The following TFCP2 variants were observed in gnomAD, a reference collection of about 807,000 sequenced individuals.
TFCP2 encodes transcription factor CP2.
Under a neutral mutation model 73.4 loss-of-function variants are expected in TFCP2, and 33 were observed. That is an observed-to-expected ratio of 0.45 (90% confidence interval 0.34 to 0.60). TFCP2 has a LOEUF of 0.60. TFCP2 is among the 20% of genes least tolerant of loss of function. TFCP2 has a pLI of 0.01. For synonymous variants in TFCP2, 193 were observed against 211.6 expected (o/e 0.91, Z 0.76); for missense variants, 352 against 604.0 (o/e 0.58, Z 4.37).
chr12:51,107,102 C>T (rs936279129), intron 7 of TFCP2, 134 bp downstream of exon 7: 35 of 741,640 alleles, frequency 4.7e-5, no homozygotes, highest in Non-Finnish European at 7.1e-5. Context: ...CTGTTAAGGC[C>T]GCTGGACACA....
chr12:51,147,265 C>G (rs942627181), intron 1 of TFCP2, among the ~76,000 whole-genome samples: 1 of 151,980 alleles, frequency 6.6e-6, no homozygotes, highest in Non-Finnish European at 1.5e-5. Context: ...ATCACCTGAA[C>G]CCAGGAGGCA....
At chr12:51,126,046 T>A (rs1940808060) in intron 1 of TFCP2, among the ~76,000 whole-genome samples, 1 of 151,758 alleles carries the variant, frequency 6.6e-6, no homozygotes, top group Admixed American at 6.6e-5. Context: ...CTGGCTAACA[T>A]GGTGAAACCC....
At chr12:51,160,936 T>C (rs970814475) in intron 1 of TFCP2, among the ~76,000 whole-genome samples, 8 of 152,196 alleles carry the variant, frequency 5.3e-5, no homozygotes, top group African/African-American at 1.4e-4. Flanking sequence ...ATTGAAGTTA[T>C]GTGTTTCGTT....
chr12:51,163,742 T>G (rs1466354353), intron 1 of TFCP2, among the ~76,000 whole-genome samples: 1 of 148,702 alleles, frequency 6.7e-6, no homozygotes, highest in African/African-American at 2.5e-5. Context: ...GGCACCATAG[T>G]GAAACCCCCA....
chr12:51,163,505 G>A (rs546959684), intron 1 of TFCP2, among the ~76,000 whole-genome samples: 135 of 152,162 alleles, frequency 8.9e-4, no homozygotes, highest in East Asian at 2.5e-3. Flanking sequence ...CAGGAGAATC[G>A]CTTGAACTTG....
chr12:51,099,005 G>A, intron 12 of TFCP2, 87 bp from the exon 13 acceptor site: 1 of 1,405,012 alleles, frequency 7.1e-7, no homozygotes, highest in Non-Finnish European at 9.7e-7. Flanking sequence ...CCACTTTTCT[G>A]AAGGACTCAG....
At chr12:51,161,225 A>G (rs1304371912) in intron 1 of TFCP2, among the ~76,000 whole-genome samples, 1 of 152,160 alleles carries the variant, frequency 6.6e-6, no homozygotes, top group Non-Finnish European at 1.5e-5. Flanking sequence ...AAAAGTCACT[A>G]AACAAATGCA....
chr12:51,109,048 G>A (rs543469743), intron 6 of TFCP2, 73 bp downstream of exon 6: 1 of 1,517,662 alleles, frequency 6.6e-7, no homozygotes, highest in Non-Finnish European at 9.0e-7. Context: ...TTGATTTTCT[G>A]ACTTGGTAAC....
rs1484559198 is a variant in TFCP2, at chr12:51,109,281, G to C, written c.565-8C>G. The C allele has an allele frequency of 6.2e-7, 1 of 1,613,872 alleles. No individual in the cohort carries two copies. Among genetic ancestry groups the C allele is most frequent in the African/African-American group, 1.3e-5 (1 of 74,914 alleles). On this transcript the variant is annotated splice_polypyrimidine_tract_variant and splice_region_variant and intron_variant, in intron 5 of 14. Coordinates refer to ENST00000257915, the MANE Select transcript of TFCP2 (RefSeq NM_005653.5). The stretch of plus-strand genomic sequence containing the variant: ...TGTGCTAATACAGTGCACCTGAAAA[G>C]AATACAACAGCAAGGCTTCAGTACC...
intron 1 of TFCP2, among the ~76,000 whole-genome samples, chr12:51,126,952 A>G (rs1443962264): frequency 6.6e-6 from 1 of 152,194 alleles, no homozygotes; most frequent in Non-Finnish European, 1.5e-5. Flanking sequence ...GCAAGAAGAG[A>G]TGGCCCTGTG....
At chr12:51,137,436 T>A (rs995944871) in intron 1 of TFCP2, among the ~76,000 whole-genome samples, 12 of 152,328 alleles carry the variant, frequency 7.9e-5, no homozygotes, top group African/African-American at 2.6e-4. Context: ...TCCAGGGAGC[T>A]TGTAAGATAT....
rs1340268990 is a variant in TFCP2, at chr12:51,165,352, C to T, written c.122+6949G>A. Among the ~76,000 whole-genome samples, 6 of 151,590 alleles carry T rather than the reference C, an allele frequency of 4.0e-5. No homozygotes were observed. The East Asian group carries it at 9.6e-4, about 24-fold the overall frequency. Reference sequence around the variant, plus strand: ...TTATCCCAGGAATGCAAGAGTGGTTCAACATAAGGAAATCAATCAATGTGA... The same window carrying T: ...TTATCCCAGGAATGCAAGAGTGGTTTAACATAAGGAAATCAATCAATGTGA... On this transcript the variant is annotated intron_variant, in intron 1 of 14. Transcript: ENST00000257915.
chr12:51,170,259 G>A (rs979449434), intron 1 of TFCP2, among the ~76,000 whole-genome samples: 2 of 151,914 alleles, frequency 1.3e-5, no homozygotes, highest in Non-Finnish European at 2.9e-5. Flanking sequence ...AGAACATATG[G>A]AACTCAAGTT....
intron 1 of TFCP2, among the ~76,000 whole-genome samples, chr12:51,150,039 T>G (rs1018746388): frequency 6.6e-6 from 1 of 152,212 alleles, no homozygotes; most frequent in African/African-American, 2.4e-5. Flanking sequence ...CCCCTCCAAC[T>G]CCCAGAGGCA....
intron 12 of TFCP2, 117 bp downstream of exon 12, chr12:51,099,538 T>C (rs1344193083): frequency 6.0e-6 from 8 of 1,336,498 alleles, no homozygotes; most frequent in Non-Finnish European, 8.3e-6. Flanking sequence ...TGCTAGTGAT[T>C]ATTGTTACTT....
At chr12:51,167,767 A>C (rs1565582575) in intron 1 of TFCP2, among the ~76,000 whole-genome samples, 1 of 152,116 alleles carries the variant, frequency 6.6e-6, no homozygotes. Context: ...GTCTTATTAA[A>C]AGGAGAAATA....
At chr12:51,106,740 A>G (rs537852373) in intron 7 of TFCP2, 127 bp from the exon 8 acceptor site, 1 of 717,746 alleles carries the variant, frequency 1.4e-6, no homozygotes, top group Non-Finnish European at 2.4e-6. Flanking sequence ...CCCATAAGCA[A>G]TAGAGAACAC....
chr12:51,096,541 C>T (rs1004438657), intron 13 of TFCP2, among the ~76,000 whole-genome samples: 4 of 152,176 alleles, frequency 2.6e-5, no homozygotes, highest in Admixed American at 6.6e-5. Flanking sequence ...AGTGGAATGG[C>T]GAAGGTGAAC....
Position 51,099,752 on chromosome 12 carries a change from A to G in TFCP2, c.1179T>C (p.Tyr393=), listed in dbSNP as rs376531908. ...GRMVRPRLTI[Y]VCQESLQLRE... is the part of the protein sequence containing the mutation. ...TCAACTGCAGTGATTCCTGACAAAC[A>G]TAAATGGTTAACCTTGGACGCACCA... The change falls in exon 12 of 15, where the codon TAT becomes TAC. Residue 393 remains tyrosine, a synonymous_variant. Coordinates refer to ENST00000257915, the MANE Select transcript of TFCP2 (RefSeq NM_005653.5). The G allele has an allele frequency of 1.9e-5, 31 of 1,614,088 alleles. No homozygotes were observed. The highest frequency in any genetic ancestry group is 2.5e-5 in the Non-Finnish European group (30 of 1,180,046).
Sources: gnomAD v4.1 joint callset for allele counts (sites outside exome capture counted in the v4.1 genomes callset) on GRCh38, gnomAD v4.1.1 for gene constraint, MANE v1.5 for transcripts, NCBI Gene and HGNC (gene_info 2026-07-23, HGNC 2026-07-21) for gene names.